Variants in SLC10A7 observed in about 807,000 individuals in gnomAD.
SLC10A7 encodes sodium/bile acid cotransporter 7.
Under a neutral mutation model 43.2 loss-of-function variants are expected in SLC10A7, and 29 were observed. The observed-to-expected ratio is 0.67, with a 90% CI of 0.50 to 0.92. The LOEUF is 0.92. Ranked by LOEUF, SLC10A7 falls within the 40% of genes least tolerant of loss-of-function variation. The probability of loss-of-function intolerance (pLI) is 0.00; values close to 1 mark genes in which losing one functional copy is unlikely to be tolerated. For missense variants in SLC10A7, 295 were observed against 403.2 expected, an observed-to-expected ratio of 0.73 and a Z score of 2.30; for synonymous variants, 152 against 144.8, an observed-to-expected ratio of 1.05 and a Z score of -0.35.
chr4:146,283,776 T>A (rs1729700455), intron 9 of SLC10A7, among the ~76,000 whole-genome samples: 1 of 152,110 alleles, frequency 6.6e-6, no homozygotes, highest in Non-Finnish European at 1.5e-5. Flanking sequence ...TTCTCTAATG[T>A]CTTTACATGT....
chr4:146,381,623 CA>C (rs940041435), intron 5 of SLC10A7, among the ~76,000 whole-genome samples: 15 of 152,238 alleles, frequency 9.9e-5, no homozygotes, highest in Admixed American at 5.9e-4. Flanking sequence ...TGCACTCTGT[CA>C]ATGCCACTCT....
intron 10 of SLC10A7, among the ~76,000 whole-genome samples, chr4:146,260,079 T>C (rs1411407082): frequency 6.6e-6 from 1 of 152,234 alleles, no homozygotes; most frequent in Non-Finnish European, 1.5e-5. Context: ...TCACATATCA[T>C]TGCCATAAAC....
intron 10 of SLC10A7, among the ~76,000 whole-genome samples, chr4:146,266,996 C>T (rs943125003): frequency 2.6e-5 from 4 of 152,140 alleles, no homozygotes; most frequent in African/African-American, 9.7e-5. Context: ...CACCAAAATT[C>T]CTGGCCCTCA....
intron 4 of SLC10A7, among the ~76,000 whole-genome samples, chr4:146,463,925 A>G (rs1732772529): frequency 6.6e-6 from 1 of 150,852 alleles, no homozygotes; most frequent in Admixed American, 6.6e-5. Context: ...CTGGGCTCAG[A>G]CCATCTCCCA....
chr4:146,430,677 G>C (rs556988015), intron 5 of SLC10A7, among the ~76,000 whole-genome samples: 9 of 152,190 alleles, frequency 5.9e-5, no homozygotes, highest in African/African-American at 2.2e-4. Flanking sequence ...AAGTAAACAA[G>C]TGTAGGGTTC....
chr4:146,462,121 AAATGT>A (rs1488906271), intron 4 of SLC10A7, among the ~76,000 whole-genome samples: 5 of 152,198 alleles, frequency 3.3e-5, no homozygotes, highest in Non-Finnish European at 5.9e-5. Context: ...AATTGCTATA[AAATGT>A]TAATTTTTTA....
chr4:146,257,698 G>A (rs1560738685), intron 11 of SLC10A7, among the ~76,000 whole-genome samples: 1 of 152,280 alleles, frequency 6.6e-6, no homozygotes, highest in Non-Finnish European at 1.5e-5. Context: ...CAACCCTAGG[G>A]TGTAGATATT....
At chr4:146,421,012 G>A (rs914507276) in intron 5 of SLC10A7, among the ~76,000 whole-genome samples, 2 of 152,092 alleles carry the variant, frequency 1.3e-5, no homozygotes, top group African/African-American at 4.8e-5. Context: ...GGGGGACAGA[G>A]CAAGATCCTG....
chr4:146,492,140 C>A (rs548463130), intron 4 of SLC10A7, among the ~76,000 whole-genome samples: 11 of 151,550 alleles, frequency 7.3e-5, no homozygotes, highest in Non-Finnish European at 1.2e-4. Flanking sequence ...GAATGGCATG[C>A]ACCCTGGAGG....
At chr4:146,276,795 T>A (rs1223943382) in intron 10 of SLC10A7, among the ~76,000 whole-genome samples, 2 of 151,882 alleles carry the variant, frequency 1.3e-5, no homozygotes, top group South Asian at 2.1e-4. Context: ...TACAAAAAAA[T>A]TTTTAAAAAT....
At chr4:146,416,464 C>T (rs536048435) in intron 5 of SLC10A7, among the ~76,000 whole-genome samples, 2 of 152,294 alleles carry the variant, frequency 1.3e-5, no homozygotes, top group African/African-American at 4.8e-5. Flanking sequence ...CGTTTCTTCA[C>T]CTGACTCTAT....
chr4:146,353,413 A>G (rs1182264701), intron 5 of SLC10A7, among the ~76,000 whole-genome samples: 5 of 143,188 alleles, frequency 3.5e-5, no homozygotes, highest in South Asian at 2.5e-4. Context: ...CCAACCAAAA[A>G]GATTCCAGGA....
At chr4:146,347,596 G>A (rs532122069) in intron 5 of SLC10A7, among the ~76,000 whole-genome samples, 8 of 152,092 alleles carry the variant, frequency 5.3e-5, no homozygotes, top group Non-Finnish European at 1.2e-4. Context: ...TGAAGAATAT[G>A]TATTACTATA....
At chr4:146,489,161 A>G (rs1735173215) in intron 4 of SLC10A7, among the ~76,000 whole-genome samples, 1 of 152,216 alleles carries the variant, frequency 6.6e-6, no homozygotes, top group African/African-American at 2.4e-5. Flanking sequence ...AAACAGAAAT[A>G]TCAACACATC....
intron 5 of SLC10A7, among the ~76,000 whole-genome samples, chr4:146,329,867 C>CA (rs1430962696): frequency 2.6e-5 from 4 of 152,150 alleles, no homozygotes; most frequent in African/African-American, 9.7e-5. Context: ...ATATGCAGCT[C>CA]AATTTAATTA....
intron 5 of SLC10A7, among the ~76,000 whole-genome samples, chr4:146,344,292 T>G (rs1036229177): frequency 6.6e-6 from 1 of 152,066 alleles, no homozygotes; most frequent in African/African-American, 2.4e-5. Context: ...TTTTCAATGT[T>G]GTCTAAACAC....
intron 5 of SLC10A7, among the ~76,000 whole-genome samples, chr4:146,345,417 C>T (rs1401561553): frequency 1.3e-5 from 2 of 152,124 alleles, no homozygotes. Context: ...CTGTGGTCTA[C>T]AACATTCTGT....
chr4:146,423,163 C>A (rs1259045461), intron 5 of SLC10A7, among the ~76,000 whole-genome samples: 1 of 151,980 alleles, frequency 6.6e-6, no homozygotes, highest in African/African-American at 2.4e-5. Context: ...TAAATGTCAC[C>A]CTAAAAATGC....
chr4:146,520,757 A>G (rs556519448), intron 1 of SLC10A7, among the ~76,000 whole-genome samples: 71 of 152,304 alleles, frequency 4.7e-4, no homozygotes, highest in African/African-American at 1.7e-3. Context: ...GAAACTGACA[A>G]ACAAGGTCAA....
Sources: allele counts gnomAD v4.1 joint callset (sites outside exome capture counted in the v4.1 genomes callset), GRCh38; gene constraint gnomAD v4.1.1; transcripts MANE v1.5; gene names NCBI Gene and HGNC (gene_info 2026-07-23, HGNC 2026-07-21).